PINK1: variants seen among roughly 807,000 people sequenced by gnomAD.
The protein encoded by PINK1 is PTEN induced kinase 1.
In PINK1, 58 loss-of-function variants were observed where a neutral mutation model predicts 56.0. The ratio of observed to expected loss-of-function variants is 1.04; its 90% confidence interval spans 0.84 to 1.29. The LOEUF is 1.29. PINK1 is among the 50% of genes most tolerant of loss of function. PINK1 has a pLI of 0.00. For missense variants in PINK1, 745 were observed against 777.9 expected (o/e 0.96, Z 0.50); for synonymous variants, 354 against 339.3 (o/e 1.04, Z -0.48).
chr1:20,648,646 G>A lies in PINK1; in HGVS notation c.1251+14G>A. The A allele has an allele frequency of 6.2e-7, 1 of 1,613,262 alleles. No homozygotes were observed. Among genetic ancestry groups the A allele is most frequent in the Non-Finnish European group, 8.5e-7 (1 of 1,180,024 alleles). On this transcript the variant is annotated intron_variant, in intron 6 of 7. Coordinates refer to ENST00000321556, the MANE Select transcript of PINK1 (RefSeq NM_032409.3). ...ATGGCCCCAGAGGTGAGTCCCGAGT[G>A]TGTCATGCGCCATCGGCAGCCCTTC...
chr1:20,648,304 C>G (rs1160482782), intron 5 of PINK1: 2 of 672,716 alleles, frequency 3.0e-6, no homozygotes, highest in Non-Finnish European at 5.2e-6. Context: ...GATTTTGCAG[C>G]CTGTACTTAC....
chr1:20,634,396 T>C (rs1019604876), intron 1 of PINK1, among the ~76,000 whole-genome samples: 2 of 152,092 alleles, frequency 1.3e-5, no homozygotes, highest in Admixed American at 6.5e-5. Context: ...AAAGGATTAG[T>C]AGTGACAGAG....
chr1:20,641,093 C>T lies in PINK1; in HGVS notation c.776+1101C>T, dbSNP rs2053111307. ...GGTCTGCTGCATTTTTGGTGATTTA[C>T]TGGAGGGCTGGTTTATAGATCTTCA... On this transcript the variant is annotated intron_variant, in intron 3 of 7. Transcript: ENST00000321556. This position sits in a 1 kb window ranked among gnomAD's most constrained non-coding sequence, Gnocchi z 4.0. 6.6e-6 allele frequency among the ~76,000 whole-genome samples: 1 copy of T among 152,038 alleles called. No homozygotes were observed.
At chr1:20,638,520 A>T (rs10916842) in intron 2 of PINK1, 1 of 269,764 alleles carries the variant, frequency 3.7e-6, no homozygotes, top group East Asian at 9.4e-5. Flanking sequence ...ATGTAGTCTT[A>T]GCTACTTGGG....
chr1:20,643,521 T>C (rs935491665), intron 3 of PINK1, among the ~76,000 whole-genome samples: 1 of 152,254 alleles, frequency 6.6e-6, no homozygotes, highest in Non-Finnish European at 1.5e-5. Flanking sequence ...TCCTTGCTCT[T>C]AGGGAGCTCA....
intron 3 of PINK1, among the ~76,000 whole-genome samples, chr1:20,642,002 C>T (rs1397677580): frequency 6.6e-6 from 1 of 152,194 alleles, no homozygotes; most frequent in Non-Finnish European, 1.5e-5. Flanking sequence ...CATGACTTGC[C>T]CAGGGGCCCG....
rs376323248 is a variant in PINK1 at position 20,645,576 on chromosome 1, C to T, written c.976C>T (p.Arg326Cys). Reference protein sequence around the residue: ...LVMKNYPCTLRQYLCVNTPSP... With the variant: ...LVMKNYPCTLCQYLCVNTPSP... ...CTCCGCCAGCTATCCCTGTACCCTG[C>T]GCCAGTACCTTTGTGTGAACACACC... The change falls in exon 5 of 8, where the codon CGC (arginine) becomes TGC (cysteine). Residue 326 changes from arginine (R) to cysteine (C), a missense_variant. By Grantham distance (180) the Arg-to-Cys change is radical. Transcript: ENST00000321556. 5.0e-6 allele frequency: 8 copies of T among 1,613,830 alleles called. No individual in the cohort carries two copies. The highest frequency in any genetic ancestry group is 1.1e-5 in the South Asian group (1 of 91,082).
rs1041601000 is a variant in PINK1 at position 20,641,638 on chromosome 1, C to G, written c.776+1646C>G. 6.6e-6 allele frequency among the ~76,000 whole-genome samples: 1 copy of G among 152,090 alleles called. No individual in the cohort carries two copies. The highest frequency in any genetic ancestry group is 1.5e-5 in the Non-Finnish European group (1 of 68,020). On this transcript the variant is annotated intron_variant, in intron 3 of 7. Transcript: ENST00000321556. The surrounding 1 kb of genome is among the most constrained non-coding windows in gnomAD (Gnocchi z 4.0). ...TCTGGTACACCTTGGGAGAAGCTTT[C>G]CCAAGAACACCCTGGGTTCATTTCC...
chr1:20,643,030 GCAT>G (rs2053133228), intron 3 of PINK1: 1 of 152,268 alleles, frequency 6.6e-6, no homozygotes, highest in Non-Finnish European at 1.5e-5. Context: ...TTCTTTCCTC[GCAT>G]CTCCTGTTCC....
rs971477060 is a variant in PINK1, at chr1:20,645,552, T to C, written c.960-8T>C. 6.2e-7 allele frequency: 1 copy of C among 1,607,408 alleles called. No individual in the cohort carries two copies. On this transcript the variant is annotated splice_polypyrimidine_tract_variant and splice_region_variant and intron_variant, in intron 4 of 7. Transcript: ENST00000321556. The stretch of plus-strand genomic sequence containing the variant: ...TGGTAGCCAGAGGCCCTCTCCCCTC[T>C]CCGCCAGCTATCCCTGTACCCTGCG...
At position 20,651,077 on chromosome 1, in the gene PINK1, A is replaced by C. The variant is rs1309738778; in HGVS notation, c.*386A>C. On this transcript the variant is annotated 3_prime_UTR_variant, in exon 8 of 8. Transcript: ENST00000321556. The stretch of plus-strand genomic sequence containing the variant: ...CATGTCTGATTTGCCACCTGGATGA[A>C]GGCAGACATCAACATGGGTCAGCAC... 3.0e-6 allele frequency: 1 copy of C among 328,154 alleles called. No individual in the cohort carries two copies. The highest frequency in any genetic ancestry group is 4.4e-5 in the Admixed American group (1 of 22,604). 20.3% of individuals were successfully genotyped at this position (328,154 alleles called of 1,614,324 possible).
intron 4 of PINK1, among the ~76,000 whole-genome samples, 169 bp downstream of exon 4, chr1:20,644,841 C>T (rs889237078): frequency 2.0e-5 from 3 of 152,196 alleles, no homozygotes; most frequent in African/African-American, 7.2e-5. Context: ...GAGCATTTTC[C>T]CTGTAGGACG....
rs1407639062 is a variant in PINK1 at position 20,634,591 on chromosome 1, AT to A, written c.387+657del. Among the ~76,000 whole-genome samples, 86 of 152,302 alleles carry A rather than the reference AT, an allele frequency of 5.6e-4. 2 individuals carry two copies. The highest frequency in any genetic ancestry group is 4.2e-3 in the Admixed American group (64 of 15,302). On this transcript the variant is annotated intron_variant, in intron 1 of 7. Coordinates refer to ENST00000321556, the MANE Select transcript of PINK1 (RefSeq NM_032409.3). ...TATTAGGGTTCTCCAAATGGAATCA[AT>A]AGGATGTGTCTATATAGAGGCAGGT...
chr1:20,645,575 G>A lies in PINK1; in HGVS notation c.975G>A (p.Leu325=). Residue 325 remains leucine (L), a synonymous_variant, in exon 5 of 8, where the codon CTG becomes CTA. Coordinates refer to ENST00000321556, the MANE Select transcript of PINK1 (RefSeq NM_032409.3). The part of the protein sequence containing the change: ...FLVMKNYPCT[L]RQYLCVNTPS... ...TCTCCGCCAGCTATCCCTGTACCCT[G>A]CGCCAGTACCTTTGTGTGAACACAC... 1 of 1,612,584 alleles carries A rather than the reference G, an allele frequency of 6.2e-7. No homozygotes were observed. Among genetic ancestry groups the A allele is most frequent in the Non-Finnish European group, 8.5e-7 (1 of 1,179,866 alleles).
intron 3 of PINK1, among the ~76,000 whole-genome samples, chr1:20,643,996 A>G (rs2053145072): frequency 6.6e-6 from 1 of 152,224 alleles, no homozygotes; most frequent in East Asian, 1.9e-4. Flanking sequence ...TAGAATAATT[A>G]TGACAATATA....
chr1:20,647,218 G>A (rs1483947970), intron 5 of PINK1, among the ~76,000 whole-genome samples: 13 of 151,560 alleles, frequency 8.6e-5, no homozygotes, highest in African/African-American at 1.2e-4. Context: ...CACCACGCCC[G>A]GCTAATTTTT....
Position 20,649,172 on chromosome 1 carries a change from T to A in PINK1, c.1429T>A (p.Ser477Thr), listed in dbSNP as rs34416410. ...QEAQLPALPESVPPDVRQLVR... is the reference protein window; with the variant it reads ...QEAQLPALPETVPPDVRQLVR... ...GGCTCAGCTACCTGCACTGCCCGAG[T>A]CAGTGCCTCCAGACGTGAGACAGTT... The change falls in exon 7 of 8, where the codon TCA becomes ACA. Residue 477 changes from serine (S) to threonine (T), a missense_variant. Transcript: ENST00000321556. The A allele has an allele frequency of 3.7e-5, 59 of 1,614,062 alleles. No individual in the cohort carries two copies. The highest frequency in any genetic ancestry group is 4.8e-5 in the Non-Finnish European group (57 of 1,180,038).
chr1:20,649,256 G>C, intron 7 of PINK1, 25 bp downstream of exon 7: 1 of 1,609,580 alleles, frequency 6.2e-7, no homozygotes, highest in African/African-American at 1.3e-5. Flanking sequence ...GGCTTCGAGG[G>C]GACGGTGTGG....
intron 7 of PINK1, 46 bp downstream of exon 7, chr1:20,649,277 C>CT (rs764170460): frequency 5.7e-6 from 9 of 1,592,498 alleles, no homozygotes; most frequent in Non-Finnish European, 7.8e-6. Context: ...GTAGAAACCT[C>CT]TGTTCTCGTT....
Sources: gnomAD v4.1 joint callset for allele counts (sites outside exome capture counted in the v4.1 genomes callset) on GRCh38, gnomAD v4.1.1 for gene constraint, Gnocchi (gnomAD v3.1) non-coding constraint, MANE v1.5 for transcripts, NCBI Gene and HGNC (gene_info 2026-07-23, HGNC 2026-07-21) for gene names.